The following BAIAP2 variants were observed in gnomAD, a reference collection of about 807,000 sequenced individuals.
The protein encoded by BAIAP2 is BAR/IMD domain containing adaptor protein 2.
A neutral mutation model predicts 63.0 loss-of-function variants in BAIAP2; 18 were observed. That is an observed-to-expected ratio of 0.29 (90% CI 0.20 to 0.42). The LOEUF (loss-of-function observed/expected upper bound fraction) is 0.42. BAIAP2 is among the 10% of genes least tolerant of loss of function. The pLI, the probability that BAIAP2 is intolerant of heterozygous loss-of-function variation, is 1.00. For missense variants in BAIAP2, 610 were observed against 734.3 expected, an observed-to-expected ratio of 0.83 and a Z score of 1.96; for synonymous variants, 386 against 307.6, an observed-to-expected ratio of 1.25 and a Z score of -2.67.
intron 6 of BAIAP2, among the ~76,000 whole-genome samples, chr17:81,094,987 C>T (rs779487911): frequency 1.3e-5 from 2 of 152,256 alleles, no homozygotes; most frequent in Non-Finnish European, 2.9e-5. Flanking sequence ...ATGCCCCTCC[C>T]CCACTCTGAG....
chr17:81,082,792 C>G (rs2054859291), intron 3 of BAIAP2, among the ~76,000 whole-genome samples: 1 of 152,204 alleles, frequency 6.6e-6, no homozygotes, highest in Non-Finnish European at 1.5e-5. Context: ...CCTGGGATAG[C>G]TCGAGAGGCA....
intron 3 of BAIAP2, among the ~76,000 whole-genome samples, chr17:81,065,596 T>G (rs2051321875): frequency 6.6e-6 from 1 of 152,206 alleles, no homozygotes; most frequent in South Asian, 2.1e-4. Flanking sequence ...ACTGCACTCC[T>G]GAGCACACCC....
intron 13 of BAIAP2, 79 bp from the exon 14 acceptor site, chr17:81,115,691 G>A (rs2060476436): frequency 1.3e-6 from 2 of 1,544,776 alleles, no homozygotes; most frequent in African/African-American, 1.4e-5. Flanking sequence ...GGGAATCCCT[G>A]GGGCATCGGG....
intron 13 of BAIAP2, chr17:81,109,372 T>TAAAAAAAAAAAAAAAAAAA (rs747875777): frequency 6.7e-6 from 6 of 890,618 alleles, no homozygotes; most frequent in African/African-American, 2.1e-5. Context: ...AGAAAAATCT[T>TAAAAAAAAAAAAAAAAAAA]AAAAAAAAAA....
At chr17:81,041,893 T>G (rs2047128719) in intron 1 of BAIAP2, among the ~76,000 whole-genome samples, 1 of 152,176 alleles carries the variant, frequency 6.6e-6, no homozygotes, top group Non-Finnish European at 1.5e-5. Flanking sequence ...GATTTTTCAA[T>G]AATCATATAT....
intron 4 of BAIAP2, 122 bp from the exon 5 acceptor site, chr17:81,085,532 G>A (rs1568137851): frequency 2.5e-6 from 2 of 798,496 alleles, no homozygotes; most frequent in African/African-American, 1.7e-5. Flanking sequence ...GGGGGAGGGG[G>A]CCCCTCCTGC....
At chr17:81,111,895 C>T (rs1378227025) in intron 13 of BAIAP2, among the ~76,000 whole-genome samples, 3 of 152,268 alleles carry the variant, frequency 2.0e-5, no homozygotes, top group East Asian at 1.9e-4. Flanking sequence ...TCACAAAGGA[C>T]GTTGGTCCCT....
At chr17:81,115,163 A>C (rs1241049457) in intron 13 of BAIAP2, among the ~76,000 whole-genome samples, 1 of 152,108 alleles carries the variant, frequency 6.6e-6, no homozygotes, top group African/African-American at 2.4e-5. Flanking sequence ...AGGGCGCGGC[A>C]CCCCTCGGGG....
chr17:81,060,546 C>T (rs970210984), intron 3 of BAIAP2, among the ~76,000 whole-genome samples: 8 of 152,174 alleles, frequency 5.3e-5, no homozygotes, highest in Admixed American at 5.2e-4. Flanking sequence ...TGTGGCTGAA[C>T]GATGATCCAT....
At chr17:81,110,577 G>T (rs1434806194) in intron 13 of BAIAP2, 5 of 1,192,336 alleles carry the variant, frequency 4.2e-6, no homozygotes, top group Middle Eastern at 3.3e-4. Context: ...GCCCCGCCTT[G>T]TGCCCACCTC....
At chr17:81,088,734 C>T (rs183901741) in intron 6 of BAIAP2, among the ~76,000 whole-genome samples, 18 of 152,356 alleles carry the variant, frequency 1.2e-4, no homozygotes, top group African/African-American at 1.7e-4. Context: ...ATGGCTAAAT[C>T]GTGTTCCATC....
intron 3 of BAIAP2, among the ~76,000 whole-genome samples, chr17:81,062,161 G>A (rs2050668889): frequency 6.6e-6 from 1 of 152,134 alleles, no homozygotes. Context: ...ATGTTGTCCA[G>A]GCTGCTCTCA....
At chr17:81,107,307 C>T (rs746993507) in intron 12 of BAIAP2, 3 of 189,136 alleles carry the variant, frequency 1.6e-5, no homozygotes, top group South Asian at 1.4e-4. Context: ...CACGGGGCTC[C>T]CTCAGTCACA....
Position 81,116,284 on chromosome 17 carries a change from C to T in BAIAP2, c.*445C>T. ...GCCGGGAGCACGGGGATGGGAGCGC[C>T]CGCACCCTGGCTGGAAGATGAACTT... is the stretch of plus-strand genomic sequence containing the variant. On this transcript the variant is annotated 3_prime_UTR_variant, in exon 14 of 14. Coordinates refer to ENST00000428708, the MANE Select transcript of BAIAP2 (RefSeq NM_001144888.2). 1 of 1,612,912 alleles carries T rather than the reference C, an allele frequency of 6.2e-7. No individual in the cohort carries two copies. The highest frequency in any genetic ancestry group is 8.5e-7 in the Non-Finnish European group (1 of 1,179,944).
At chr17:81,112,273 C>T (rs1055167645) in intron 13 of BAIAP2, among the ~76,000 whole-genome samples, 25 of 152,218 alleles carry the variant, frequency 1.6e-4, no homozygotes, top group Admixed American at 7.9e-4. Context: ...TCAGGGACCA[C>T]GTCCCTTGGA....
At chr17:81,102,387 C>G (rs945062662) in intron 7 of BAIAP2, among the ~76,000 whole-genome samples, 2 of 152,170 alleles carry the variant, frequency 1.3e-5, no homozygotes, top group African/African-American at 2.4e-5. Flanking sequence ...AAGACTCACT[C>G]CTCTACCACT....
rs181911163 is a variant in BAIAP2, at chr17:81,070,375, G to T, written c.217+12408G>T. ...GACGTCCAGGCAGCCTTCGGGCTGG[G>T]TATTGAATGTGCTCTGCCGGGCAAC... On this transcript the variant is annotated intron_variant, in intron 3 of 13. Coordinates refer to ENST00000428708, the MANE Select transcript of BAIAP2 (RefSeq NM_001144888.2). 6.0e-4 allele frequency among the ~76,000 whole-genome samples: 92 copies of T among 152,368 alleles called. 1 individual carries two copies. The highest frequency in any genetic ancestry group is 2.0e-3 in the African/African-American group (82 of 41,588).
At position 81,116,220 on chromosome 17, in the gene BAIAP2, C is replaced by T. The variant is rs1304477292; in HGVS notation, c.*381C>T. ...TCTCCTGCCTAATAAACAGGCTTCT[C>T]CTGCACCAGGTGTGATCTGTCCGCC... On this transcript the variant is annotated 3_prime_UTR_variant, in exon 14 of 14. Transcript: ENST00000428708. The T allele has an allele frequency of 1.2e-6, 2 of 1,612,298 alleles. No individual in the cohort carries two copies. The highest frequency in any genetic ancestry group is 3.3e-5 in the Admixed American group (2 of 60,000).
At chr17:81,056,838 C>T (rs565277475) in intron 2 of BAIAP2, among the ~76,000 whole-genome samples, 2 of 152,254 alleles carry the variant, frequency 1.3e-5, no homozygotes, top group East Asian at 3.9e-4. Flanking sequence ...TCTGCTGTTG[C>T]GTTTTTCTGC....
Sources: gnomAD v4.1 joint callset for allele counts (sites outside exome capture counted in the v4.1 genomes callset) on GRCh38, gnomAD v4.1.1 for gene constraint, MANE v1.5 for transcripts, NCBI Gene and HGNC (gene_info 2026-07-23, HGNC 2026-07-21) for gene names.